The following GLT1D1 variants were observed in gnomAD, a reference collection of about 807,000 sequenced individuals.
GLT1D1 encodes glycosyltransferase 1 domain containing 1, also known as glycosyltransferase 1 domain-containing protein 1.
A neutral mutation model predicts 28.7 loss-of-function variants in GLT1D1; 21 were observed. The ratio of observed to expected loss-of-function variants is 0.73; its 90% CI spans 0.52 to 1.05. GLT1D1 has a LOEUF of 1.05. Among genes scored for constraint, GLT1D1 ranks in the 50% least tolerant of loss-of-function variants. The pLI, the probability that GLT1D1 is intolerant of heterozygous loss-of-function variation, is 0.00. For missense variants in GLT1D1, 343 were observed against 330.6 expected (o/e 1.04, Z -0.29); for synonymous variants, 147 against 124.8 (o/e 1.18, Z -1.19).
chr12:128,871,875 A>T (rs1049336840), intron 1 of GLT1D1, among the ~76,000 whole-genome samples: 2 of 152,162 alleles, frequency 1.3e-5, no homozygotes, highest in Non-Finnish European at 2.9e-5. Context: ...TTGGACTTGA[A>T]CTTTGTTCTA....
rs554350870 is a variant in GLT1D1, at chr12:128,904,586, A to C, written c.375+5299A>C. On this transcript the variant is annotated intron_variant, in intron 4 of 7. Coordinates refer to ENST00000281703, the MANE Select transcript of GLT1D1 (RefSeq NM_144669.3). ...AGTTGGGGACACAGCCATGTGAGTC[A>C]CTGGTGTCCAGGTGATGGTTAAAGC... Among the ~76,000 whole-genome samples the C allele has an allele frequency of 5.2e-4, 78 of 150,264 alleles. 2 individuals carry two copies. The highest frequency in any genetic ancestry group is 9.7e-4 in the Non-Finnish European group (66 of 67,826).
chr12:128,874,273 C>T (rs945753581), intron 1 of GLT1D1, among the ~76,000 whole-genome samples: 1 of 150,236 alleles, frequency 6.7e-6, no homozygotes, highest in Non-Finnish European at 1.5e-5. Context: ...CGTTTGCCTC[C>T]CGGGTTCAAG....
chr12:128,889,284 T>A (rs1189687513), intron 3 of GLT1D1, among the ~76,000 whole-genome samples: 1 of 152,188 alleles, frequency 6.6e-6, no homozygotes, highest in South Asian at 2.1e-4. Flanking sequence ...TTCTGAGCTA[T>A]ATATGCCATT....
chr12:128,944,299 T>G (rs1374211076), intron 4 of GLT1D1: 38 of 663,582 alleles, frequency 5.7e-5, no homozygotes, highest in Admixed American at 3.0e-4. Context: ...CTGGCTTGTT[T>G]GAGGAACGTC....
At chr12:128,980,173 A>G (rs1880185738) in intron 7 of GLT1D1, among the ~76,000 whole-genome samples, 1 of 152,184 alleles carries the variant, frequency 6.6e-6, no homozygotes, top group Non-Finnish European at 1.5e-5. Flanking sequence ...GACCTTTGCC[A>G]TATTCTGTTG....
intron 1 of GLT1D1, 73 bp downstream of exon 1, chr12:128,853,722 GC>G: frequency 1.1e-6 from 1 of 949,126 alleles, no homozygotes; most frequent in Non-Finnish European, 1.3e-6. Flanking sequence ...ACCCGGGGAC[GC>G]GGGGCGCTCA....
intron 4 of GLT1D1, among the ~76,000 whole-genome samples, chr12:128,901,961 G>A (rs889595705): frequency 2.6e-5 from 4 of 151,708 alleles, no homozygotes; most frequent in Non-Finnish European, 5.9e-5. Context: ...CCAGCATGAG[G>A]TTGTCAGTTT....
In GLT1D1 at chr12:128,903,225, C is replaced by T. The variant is rs147165326; in HGVS notation, c.375+3938C>T. 1.2e-3 allele frequency among the ~76,000 whole-genome samples: 185 copies of T among 151,732 alleles called. 1 individual carries two copies. The highest frequency in any genetic ancestry group is 1.9e-3 in the Non-Finnish European group (127 of 68,002). ...CTTAACAAACCAGTTGCCTTAAACA[C>T]GCAGGGTGGCCTCACTTCCATGCCT... On this transcript the variant is annotated intron_variant, in intron 4 of 7. Coordinates refer to ENST00000281703, the MANE Select transcript of GLT1D1 (RefSeq NM_144669.3).
intron 4 of GLT1D1, among the ~76,000 whole-genome samples, chr12:128,919,210 A>T (rs1872405585): frequency 6.6e-6 from 1 of 152,014 alleles, no homozygotes; most frequent in African/African-American, 2.4e-5. Context: ...AGCATTGGAA[A>T]CCTGTGACTG....
chr12:128,869,417 G>A (rs572637036), intron 1 of GLT1D1, among the ~76,000 whole-genome samples: 4 of 152,172 alleles, frequency 2.6e-5, no homozygotes, highest in African/African-American at 4.8e-5. Context: ...CCATTCACCC[G>A]TCTTGGCCTC....
chr12:128,859,684 G>A (rs1216268658), intron 1 of GLT1D1, among the ~76,000 whole-genome samples: 4 of 152,202 alleles, frequency 2.6e-5, no homozygotes, highest in Admixed American at 2.0e-4. Flanking sequence ...AAACAGGATT[G>A]CACCATGAAA....
intron 7 of GLT1D1, among the ~76,000 whole-genome samples, chr12:128,978,180 C>T (rs772185003): frequency 3.0e-4 from 46 of 152,070 alleles, no homozygotes; most frequent in Non-Finnish European, 5.6e-4. Context: ...GGTTACAGTG[C>T]GTGTGTGTGG....
chr12:128,946,052 A>G (rs1941261784), intron 5 of GLT1D1, among the ~76,000 whole-genome samples: 1 of 152,190 alleles, frequency 6.6e-6, no homozygotes, highest in Admixed American at 6.5e-5. Context: ...CACAAAGGGC[A>G]CTGACAAAGA....
intron 4 of GLT1D1, among the ~76,000 whole-genome samples, chr12:128,936,870 A>G (rs1227825836): frequency 6.6e-6 from 1 of 152,228 alleles, no homozygotes; most frequent in Non-Finnish European, 1.5e-5. Context: ...TTAAATAAAA[A>G]TATCCCCCCT....
chr12:128,944,368 G>A lies in GLT1D1; in HGVS notation c.376-958G>A, dbSNP rs147070958. The A allele has an allele frequency of 1.0e-3, 938 of 930,406 alleles. 15 individuals carry two copies. The African/African-American group carries it at 0.014, about 14-fold the overall frequency. The allele number at this position is 930,406 out of a possible 1,614,324, so 57.6% of individuals were successfully genotyped here. On this transcript the variant is annotated intron_variant, in intron 4 of 7. Coordinates refer to ENST00000281703, the MANE Select transcript of GLT1D1 (RefSeq NM_144669.3). ...CTTGTTGGTTTCTGTTCTGGAGAATGTTTCCAACACCGCTTTTTTTCTGGT... is the reference window on the plus strand; with the variant it reads ...CTTGTTGGTTTCTGTTCTGGAGAATATTTCCAACACCGCTTTTTTTCTGGT...
chr12:128,935,199 A>C (rs844515), intron 4 of GLT1D1, among the ~76,000 whole-genome samples: 49,374 of 152,030 alleles, frequency 0.32, 8,384 homozygotes, highest in East Asian at 0.46. Flanking sequence ...GTTTTCTTTG[A>C]ATATCATCTC....
At chr12:128,950,406 C>T (rs1252957310) in intron 6 of GLT1D1, among the ~76,000 whole-genome samples, 2 of 152,266 alleles carry the variant, frequency 1.3e-5, no homozygotes, top group African/African-American at 2.4e-5. Flanking sequence ...ATGTAAGATC[C>T]GAATGTGCTG....
At chr12:128,943,824 G>A (rs1477959820) in intron 4 of GLT1D1, among the ~76,000 whole-genome samples, 2 of 152,192 alleles carry the variant, frequency 1.3e-5, no homozygotes, top group Non-Finnish European at 2.9e-5. Context: ...GTCTCCCCAT[G>A]TTCCACAACG....
At chr12:128,961,521 G>A (rs1877941289) in intron 7 of GLT1D1, among the ~76,000 whole-genome samples, 1 of 152,184 alleles carries the variant, frequency 6.6e-6, no homozygotes, top group Non-Finnish European at 1.5e-5. Context: ...CAACGTGGTT[G>A]GAACTGGAGG....
Sources: gnomAD v4.1 joint callset for allele counts (sites outside exome capture counted in the v4.1 genomes callset) on GRCh38, gnomAD v4.1.1 for gene constraint, MANE v1.5 for transcripts, NCBI Gene and HGNC (gene_info 2026-07-23, HGNC 2026-07-21) for gene names.